RBMS3: variants seen among roughly 807,000 people sequenced by gnomAD.
RBMS3 encodes RNA binding motif single stranded interacting protein 3, also known as RNA-binding motif, single-stranded-interacting protein 3.
Under a neutral mutation model 66.8 loss-of-function variants are expected in RBMS3, and 27 were observed. That is an observed-to-expected ratio of 0.40 (90% CI 0.30 to 0.56). The LOEUF (loss-of-function observed/expected upper bound fraction) is 0.56. Ranked by LOEUF, RBMS3 falls within the 20% of genes least tolerant of loss-of-function variation. RBMS3 has a pLI of 0.40. For missense variants in RBMS3, 513 were observed against 549.5 expected (o/e 0.93, Z 0.66); for synonymous variants, 188 against 183.0 (o/e 1.03, Z -0.22).
At chr3:29,809,442 G>A (rs115528447) in intron 6 of RBMS3, among the ~76,000 whole-genome samples, 2,124 of 151,810 alleles carry the variant, frequency 0.014, 46 homozygotes, top group African/African-American at 0.048. Flanking sequence ...TAGCATTTGC[G>A]CATGCACATG....
At chr3:29,549,922 T>G (rs1417766322) in intron 3 of RBMS3, among the ~76,000 whole-genome samples, 1 of 152,146 alleles carries the variant, frequency 6.6e-6, no homozygotes, top group Non-Finnish European at 1.5e-5. Context: ...TATTGCTTAT[T>G]CTGTGCTTGT....
At chr3:29,520,950 G>A (rs975155086) in intron 3 of RBMS3, among the ~76,000 whole-genome samples, 5 of 151,924 alleles carry the variant, frequency 3.3e-5, no homozygotes, top group African/African-American at 7.3e-5. Context: ...TGCTTTCCAC[G>A]GAGAGTCTCA....
chr3:29,991,328 A>T, intron 14 of RBMS3, 119 bp downstream of exon 14: 5 of 1,503,460 alleles, frequency 3.3e-6, no homozygotes, highest in Non-Finnish European at 4.5e-6. Flanking sequence ...AGCAACAGGC[A>T]TTTATTTAGC....
chr3:29,688,774 G>A (rs1394044079), intron 4 of RBMS3, among the ~76,000 whole-genome samples: 1 of 151,428 alleles, frequency 6.6e-6, no homozygotes, highest in Non-Finnish European at 1.5e-5. Flanking sequence ...GTATAGACAG[G>A]GTTTCACTCT....
intron 6 of RBMS3, among the ~76,000 whole-genome samples, chr3:29,773,307 T>C (rs2056288735): frequency 6.6e-6 from 1 of 152,044 alleles, no homozygotes; most frequent in African/African-American, 2.4e-5. Flanking sequence ...AGGTGGTGAA[T>C]ATGCATACTT....
chr3:29,468,944 C>G lies in RBMS3; in HGVS notation c.249-19497C>G, dbSNP rs535552684. Among the ~76,000 whole-genome samples, 17 of 152,204 alleles carry G rather than the reference C, an allele frequency of 1.1e-4. No homozygotes were observed. The Middle Eastern group carries it at 0.014, about 122-fold the overall frequency. Reference sequence around the variant, plus strand: ...TGTGTATATTATAACCAAACACACACACAAACTCAAGATGTTCCTCCAAAA... The same window carrying G: ...TGTGTATATTATAACCAAACACACAGACAAACTCAAGATGTTCCTCCAAAA... On this transcript the variant is annotated intron_variant, in intron 2 of 14. Transcript: ENST00000383767.
At position 30,004,308 on chromosome 3, in the gene RBMS3, C is replaced by A. The variant is rs11923737; in HGVS notation, c.*446C>A. 3.3e-5 allele frequency: 5 copies of A among 151,838 alleles called. No homozygotes were observed. In the Admixed American group the frequency reaches 3.3e-4, roughly 10 times the overall value. The allele number at this position is 151,838 out of a possible 1,614,324, so 9.4% of individuals were successfully genotyped here. On this transcript the variant is annotated 3_prime_UTR_variant, in exon 15 of 15. Coordinates refer to ENST00000383767, the MANE Select transcript of RBMS3 (RefSeq NM_001003793.3). ...ATAATTAAGCTACTTTCTCTTTTTCCCTTCTTGTTTTAATCTAGTGGGTTT... is the reference window on the plus strand; with the variant it reads ...ATAATTAAGCTACTTTCTCTTTTTCACTTCTTGTTTTAATCTAGTGGGTTT...
chr3:29,902,917 G>A (rs559989748), intron 10 of RBMS3, among the ~76,000 whole-genome samples: 2 of 152,008 alleles, frequency 1.3e-5, no homozygotes, highest in Non-Finnish European at 2.9e-5. Flanking sequence ...AAAGTAGAGC[G>A]CAATGACCTT....
At chr3:29,385,344 C>G (rs1056645311) in intron 1 of RBMS3, among the ~76,000 whole-genome samples, 1 of 152,126 alleles carries the variant, frequency 6.6e-6, no homozygotes, top group Non-Finnish European at 1.5e-5. Flanking sequence ...TTTCTGACCC[C>G]ACAACCAATC....
intron 12 of RBMS3, among the ~76,000 whole-genome samples, chr3:29,969,791 C>G (rs1326285314): frequency 6.6e-6 from 1 of 152,066 alleles, no homozygotes; most frequent in East Asian, 1.9e-4. Flanking sequence ...GGATTATCAT[C>G]AAGAATAGGA....
intron 4 of RBMS3, among the ~76,000 whole-genome samples, chr3:29,662,640 T>C (rs1480786459): frequency 2.0e-5 from 3 of 152,184 alleles, no homozygotes; most frequent in African/African-American, 7.2e-5. Context: ...TGATCATACT[T>C]ACTTGATATC....
At chr3:29,514,656 T>TATATATATATATATATATAC (rs2044543003) in intron 3 of RBMS3, among the ~76,000 whole-genome samples, 1 of 137,976 alleles carries the variant, frequency 7.2e-6, no homozygotes, top group African/African-American at 2.8e-5. Flanking sequence ...GGCACATATA[T>TATATATATATATATATATAC]ATATATATAT....
intron 4 of RBMS3, among the ~76,000 whole-genome samples, chr3:29,734,994 T>C (rs771754752): frequency 3.9e-5 from 6 of 152,134 alleles, no homozygotes; most frequent in Non-Finnish European, 7.4e-5. Flanking sequence ...TTCCAGAGCA[T>C]TTAAATGTCA....
intron 12 of RBMS3, among the ~76,000 whole-genome samples, chr3:29,963,257 G>T (rs1559842904): frequency 6.6e-6 from 1 of 152,058 alleles, no homozygotes; most frequent in Non-Finnish European, 1.5e-5. Flanking sequence ...AAATCACCAT[G>T]TGAGCATTAA....
rs1209761674 is a variant in RBMS3 at position 29,300,128 on chromosome 3, G to A, written c.75+18372G>A. 2.0e-5 allele frequency among the ~76,000 whole-genome samples: 3 copies of A among 151,980 alleles called. No individual in the cohort carries two copies. In the East Asian group the frequency reaches 5.8e-4, roughly 30 times the overall value. ...AGGGAGATACTATTTTTGCCTACTT[G>A]GTTTTTAAAGAGTTAAACATTTCCT... On this transcript the variant is annotated intron_variant, in intron 1 of 14. Coordinates refer to ENST00000383767, the MANE Select transcript of RBMS3 (RefSeq NM_001003793.3).
intron 3 of RBMS3, among the ~76,000 whole-genome samples, chr3:29,492,742 A>T (rs1233592539): frequency 6.6e-6 from 1 of 152,120 alleles, no homozygotes; most frequent in Admixed American, 6.5e-5. Context: ...AAGAAACAAA[A>T]CTCAAACTTG....
At chr3:29,837,025 C>A (rs1032562068) in intron 6 of RBMS3, among the ~76,000 whole-genome samples, 2 of 151,986 alleles carry the variant, frequency 1.3e-5, no homozygotes, top group African/African-American at 4.8e-5. Context: ...GATAGATGAC[C>A]TTTCAAGTTT....
At chr3:29,348,147 A>G (rs2036689507) in intron 1 of RBMS3, among the ~76,000 whole-genome samples, 1 of 152,194 alleles carries the variant, frequency 6.6e-6, no homozygotes, top group African/African-American at 2.4e-5. Flanking sequence ...GGGATGCTGC[A>G]TACTTGAAAT....
At chr3:29,603,229 A>C (rs1315253872) in intron 4 of RBMS3, among the ~76,000 whole-genome samples, 2 of 151,982 alleles carry the variant, frequency 1.3e-5, no homozygotes, top group East Asian at 3.9e-4. Context: ...CAGTTTTACA[A>C]ATGAAATAAT....
Sources: gnomAD v4.1 joint callset for allele counts (sites outside exome capture counted in the v4.1 genomes callset) on GRCh38, gnomAD v4.1.1 for gene constraint, MANE v1.5 for transcripts, NCBI Gene and HGNC (gene_info 2026-07-23, HGNC 2026-07-21) for gene names.